Variants in AKR1B15 observed in about 807,000 individuals in gnomAD.
The protein encoded by AKR1B15 is aldo-keto reductase family 1 member B15.
A neutral mutation model predicts 38.5 loss-of-function variants in AKR1B15; 49 were observed. The ratio of observed to expected loss-of-function variants is 1.27; its 90% CI spans 1.01 to 1.62. AKR1B15 has a LOEUF of 1.62. AKR1B15 is among the 40% of genes most tolerant of loss of function. The pLI, the probability that AKR1B15 is intolerant of heterozygous loss-of-function variation, is 0.00. For synonymous variants in AKR1B15, 137 were observed against 135.5 expected, an observed-to-expected ratio of 1.01 and a Z score of -0.08; for missense variants, 411 against 381.6, an observed-to-expected ratio of 1.08 and a Z score of -0.64.
chr7:134,573,379 A>G, intron 6 of AKR1B15: 1 of 985,392 alleles, frequency 1.0e-6, no homozygotes, highest in Non-Finnish European at 1.2e-6. Context: ...CTATGATGAT[A>G]TGAAGTATGG....
chr7:134,557,724 T>C (rs1398034429), intron 2 of AKR1B15, among the ~76,000 whole-genome samples: 2 of 152,118 alleles, frequency 1.3e-5, no homozygotes, highest in Non-Finnish European at 2.9e-5. Context: ...AAAAAATTGC[T>C]TCAGCTACAC....
intron 1 of AKR1B15, among the ~76,000 whole-genome samples, chr7:134,556,522 G>A (rs1794203297): frequency 1.3e-5 from 2 of 152,130 alleles, no homozygotes; most frequent in African/African-American, 2.4e-5. Context: ...CAGGCTACTT[G>A]TAGTGAGTCT....
intron 1 of AKR1B15, among the ~76,000 whole-genome samples, chr7:134,553,218 T>A (rs934897771): frequency 6.6e-6 from 1 of 152,180 alleles, no homozygotes; most frequent in African/African-American, 2.4e-5. Flanking sequence ...CCTATAGATA[T>A]TGGGGTTCAT....
chr7:134,565,681 C>G lies in AKR1B15; in HGVS notation c.150+912C>G, dbSNP rs555967571. The stretch of plus-strand genomic sequence containing the variant: ...GTGAATTTCAGTCCTGGAGCTGGGA[C>G]TCGGGTTGCTTTCTTTTCTCAAAGC... On this transcript the variant is annotated intron_variant, in intron 3 of 11. Transcript: ENST00000457545. The G allele has an allele frequency of 1.2e-5, 17 of 1,472,154 alleles. No homozygotes were observed. The East Asian group carries it at 4.0e-4, about 35-fold the overall frequency. 91.2% of individuals were successfully genotyped at this position (1,472,154 alleles called of 1,614,324 possible).
chr7:134,569,106 C>G (rs1320548520), intron 4 of AKR1B15, among the ~76,000 whole-genome samples: 2 of 152,220 alleles, frequency 1.3e-5, no homozygotes, highest in African/African-American at 2.4e-5. Context: ...AGAGAGCCCA[C>G]AGCTGAGGAA....
chr7:134,579,002 T>C (rs1794822011), intron 11 of AKR1B15, among the ~76,000 whole-genome samples: 3 of 152,238 alleles, frequency 2.0e-5, no homozygotes, highest in Admixed American at 2.0e-4. Context: ...GTTTCTTCGC[T>C]GTGTGACATT....
At position 134,562,832 on chromosome 7, in the gene AKR1B15, C is replaced by CTCTTTCTTTCTTTCTTTCTTTCTT. The variant is rs201784260; in HGVS notation, c.-22-1731_-22-1708dup. On this transcript the variant is annotated intron_variant, in intron 2 of 11. Coordinates refer to ENST00000457545, the MANE Select transcript of AKR1B15 (RefSeq NM_001080538.3). ...CCTTCCTTTCTTCCTTCCTTCCTTTCTCTTTCTTTCTTTCTTTCTTTCTTT... is the reference window on the plus strand; with the variant it reads ...CCTTCCTTTCTTCCTTCCTTCCTTTCTCTTTCTTTCTTTCTTTCTTTCTTTCTTTCTTTCTTTCTTTCTTTCTTT... Among the ~76,000 whole-genome samples, 44 of 122,692 alleles carry CTCTTTCTTTCTTTCTTTCTTTCTT rather than the reference C, an allele frequency of 3.6e-4. 1 individual carries two copies. Among genetic ancestry groups the CTCTTTCTTTCTTTCTTTCTTTCTT allele is most frequent in the Admixed American group, 8.2e-4 (9 of 10,934 alleles). The allele number at this position is 122,692 out of a possible 152,430, so 80.5% of individuals were successfully genotyped here.
chr7:134,562,369 T>C (rs1231560393), intron 2 of AKR1B15, among the ~76,000 whole-genome samples: 2 of 152,192 alleles, frequency 1.3e-5, no homozygotes, highest in Non-Finnish European at 2.9e-5. Context: ...CCAGCTTTAA[T>C]TCCCTTATTT....
chr7:134,579,593 C>T lies in AKR1B15; in HGVS notation c.*44C>T, dbSNP rs577615543. The T allele has an allele frequency of 7.3e-6, 11 of 1,512,540 alleles. No individual in the cohort carries two copies. The highest frequency in any genetic ancestry group is 5.7e-5 in the African/African-American group (4 of 70,610). 93.7% of individuals were successfully genotyped at this position (1,512,540 alleles called of 1,614,324 possible). A position where few individuals can be genotyped will look rare whatever the true frequency, so the allele number is the denominator to read the frequency against. On this transcript the variant is annotated 3_prime_UTR_variant, in exon 12 of 12. Transcript: ENST00000457545. ...GATTACACAGGGGATTCTCTTTCTT[C>T]GCTGAAGTGTGACTGTCTCCACTCA...
chr7:134,572,411 G>A (rs544814223), intron 6 of AKR1B15, among the ~76,000 whole-genome samples: 1 of 152,274 alleles, frequency 6.6e-6, no homozygotes, highest in East Asian at 1.9e-4. Flanking sequence ...GAAGGATCAT[G>A]AGGTCAGAAG....
Position 134,569,548 on chromosome 7 carries a change from C to A in AKR1B15, c.435+19C>A, listed in dbSNP as rs767096704. ...ATTCAAGGTTTGAGTGACTCCCTTT[C>A]TCAGCCTCTAGTTTCTGAGCTGTTG... On this transcript the variant is annotated intron_variant, in intron 5 of 11. Coordinates refer to ENST00000457545, the MANE Select transcript of AKR1B15 (RefSeq NM_001080538.3). 6.2e-7 allele frequency: 1 copy of A among 1,613,378 alleles called. No individual in the cohort carries two copies. The highest frequency in any genetic ancestry group is 8.5e-7 in the Non-Finnish European group (1 of 1,179,400).
At position 134,579,667 on chromosome 7, in the gene AKR1B15, G is replaced by C; in HGVS notation, c.*118G>C. 1.1e-6 allele frequency: 1 copy of C among 894,192 alleles called. No individual in the cohort carries two copies. Among genetic ancestry groups the C allele is most frequent in the Non-Finnish European group, 1.7e-6 (1 of 598,782 alleles). The allele number at this position is 894,192 out of a possible 1,614,324, so 55.4% of individuals were successfully genotyped here. Reference sequence around the variant, plus strand: ...CTGAGATCACAGTGAACTTTGTCCTGTTGTAGACCAGAATGGAGGTGCTGT... The same window carrying C: ...CTGAGATCACAGTGAACTTTGTCCTCTTGTAGACCAGAATGGAGGTGCTGT... On this transcript the variant is annotated 3_prime_UTR_variant, in exon 12 of 12. Transcript: ENST00000457545.
At chr7:134,554,001 G>C (rs1163432046) in intron 1 of AKR1B15, among the ~76,000 whole-genome samples, 1 of 151,906 alleles carries the variant, frequency 6.6e-6, no homozygotes, top group Non-Finnish European at 1.5e-5. Flanking sequence ...ATAGGGTAAA[G>C]ACAAATGTAT....
At position 134,552,551 on chromosome 7, in the gene AKR1B15, C is replaced by T. The variant is rs144226507; in HGVS notation, c.-147+3302C>T. 4.6e-5 allele frequency among the ~76,000 whole-genome samples: 7 copies of T among 152,166 alleles called. No individual in the cohort carries two copies. In the East Asian group the frequency reaches 9.6e-4, roughly 21 times the overall value. ...CTGGTATACTCACACCATGTGAGAT[C>T]GCCTGGAATATTCCATTTTTGCCGG... is the stretch of plus-strand genomic sequence containing the variant. On this transcript the variant is annotated intron_variant, in intron 1 of 11. Transcript: ENST00000457545.
chr7:134,565,909 G>A (rs1313486420), intron 3 of AKR1B15, among the ~76,000 whole-genome samples: 4 of 152,128 alleles, frequency 2.6e-5, no homozygotes, highest in Non-Finnish European at 5.9e-5. Context: ...GTTGTGGAGA[G>A]GATGCAGAGC....
At chr7:134,568,652 T>C (rs1474552916) in intron 4 of AKR1B15, among the ~76,000 whole-genome samples, 2 of 152,128 alleles carry the variant, frequency 1.3e-5, no homozygotes, top group African/African-American at 2.4e-5. Flanking sequence ...ATATGAAGCC[T>C]CCCTCTCAGC....
intron 1 of AKR1B15, among the ~76,000 whole-genome samples, chr7:134,554,576 G>A (rs531803037): frequency 6.1e-4 from 93 of 152,268 alleles, no homozygotes; most frequent in Non-Finnish European, 1.1e-3. Context: ...AACGGCTTGT[G>A]CCCAAGTAAA....
chr7:134,575,608 T>C, intron 7 of AKR1B15, 66 bp downstream of exon 7: 1 of 1,602,532 alleles, frequency 6.2e-7, no homozygotes. Context: ...GCGGGGGGAA[T>C]GTTCAATGCT....
intron 2 of AKR1B15, among the ~76,000 whole-genome samples, chr7:134,559,965 G>A (rs1562945035): frequency 6.6e-6 from 1 of 152,128 alleles, no homozygotes. Context: ...ATAATTAGCT[G>A]GGTGTGGTGG....
Sources: allele counts gnomAD v4.1 joint callset (sites outside exome capture counted in the v4.1 genomes callset), GRCh38; gene constraint gnomAD v4.1.1; transcripts MANE v1.5; gene names NCBI Gene and HGNC (gene_info 2026-07-23, HGNC 2026-07-21).